PGM3: variants seen among roughly 807,000 people sequenced by gnomAD.
PGM3 encodes phosphoacetylglucosamine mutase.
A neutral mutation model predicts 66.2 loss-of-function variants in PGM3; 40 were observed. The observed-to-expected ratio is 0.60, with a 90% CI of 0.47 to 0.79. The LOEUF is 0.79. Among genes scored for constraint, PGM3 ranks in the 30% least tolerant of loss-of-function variants. PGM3 has a pLI of 0.00. For synonymous variants in PGM3, 191 were observed against 224.2 expected (o/e 0.85, Z 1.32); for missense variants, 537 against 643.4 (o/e 0.83, Z 1.79).
chr6:83,193,054 G>C lies in PGM3; in HGVS notation c.-3+125C>G, dbSNP rs925287734. The C allele has an allele frequency of 3.4e-5, 5 of 147,910 alleles. No individual in the cohort carries two copies. The South Asian group carries it at 8.3e-4, about 25-fold the overall frequency. 9.2% of individuals were successfully genotyped at this position (147,910 alleles called of 1,614,324 possible). On this transcript the variant is annotated intron_variant, in intron 1 of 12. Coordinates refer to ENST00000513973, the MANE Select transcript of PGM3 (RefSeq NM_015599.3). Reference sequence around the variant, plus strand: ...GTGTGTCCCGCGCGCTCCGCCGCTCGGTCAGTCGCCCGCCAGACCACTAGC... The same window carrying C: ...GTGTGTCCCGCGCGCTCCGCCGCTCCGTCAGTCGCCCGCCAGACCACTAGC...
intron 1 of PGM3, among the ~76,000 whole-genome samples, chr6:83,191,786 T>A (rs1391456463): frequency 6.7e-6 from 1 of 150,154 alleles, no homozygotes; most frequent in Non-Finnish European, 1.5e-5. Context: ...GTCAGGAGTT[T>A]GAAACCAGCC....
In PGM3 at chr6:83,176,047, C is replaced by T; in HGVS notation, c.1043G>A (p.Cys348Tyr). The change falls in exon 9 of 13, where the codon TGC (cysteine) becomes TAC (tyrosine). Residue 348 changes from cysteine to tyrosine, a missense_variant. Transcript: ENST00000513973. The stretch of plus-strand genomic sequence containing the variant: ...CAAATGTTTTACACCAGTCTTAGTG[C>T]AATAGACAGGTACCTATAACACATG... ...LEEVMKVPVY[C>Y]TKTGVKHLHH... The T allele has an allele frequency of 6.3e-7, 1 of 1,582,662 alleles. No individual in the cohort carries two copies. Among genetic ancestry groups the T allele is most frequent in the Non-Finnish European group, 8.7e-7 (1 of 1,151,522 alleles).
intron 10 of PGM3, among the ~76,000 whole-genome samples, chr6:83,172,855 T>TATTG (rs137902202): frequency 1.1e-3 from 164 of 152,312 alleles, no homozygotes; most frequent in Non-Finnish European, 2.1e-3. Flanking sequence ...ATTGATTGCT[T>TATTG]ATTGATTGAT....
At chr6:83,173,641 C>T (rs904506118) in intron 10 of PGM3, among the ~76,000 whole-genome samples, 7 of 152,164 alleles carry the variant, frequency 4.6e-5, no homozygotes, top group African/African-American at 1.4e-4. Context: ...ATAATTGAAT[C>T]GCTTTCCTCT....
downstream of PGM3, among the ~76,000 whole-genome samples, chr6:83,160,997 T>C (rs920067383): frequency 6.6e-6 from 1 of 152,050 alleles, no homozygotes; most frequent in Non-Finnish European, 1.5e-5. Context: ...ATATCTACTT[T>C]TTGATGAATT....
chr6:83,189,425 A>G (rs1278505265), intron 2 of PGM3, among the ~76,000 whole-genome samples: 1 of 152,242 alleles, frequency 6.6e-6, no homozygotes, highest in Non-Finnish European at 1.5e-5. Context: ...TGCCTCTGGA[A>G]CTAGCAATAA....
At chr6:83,185,018 A>C (rs1481276770) in intron 4 of PGM3, among the ~76,000 whole-genome samples, 1 of 152,264 alleles carries the variant, frequency 6.6e-6, no homozygotes, top group Non-Finnish European at 1.5e-5. Flanking sequence ...AAGGTTAAAA[A>C]AATTACTCTC....
At chr6:83,186,713 A>T (rs907620441) in intron 4 of PGM3, among the ~76,000 whole-genome samples, 1 of 152,202 alleles carries the variant, frequency 6.6e-6, no homozygotes, top group Admixed American at 6.5e-5. Context: ...TCAAGTACTT[A>T]AAAAGGTTTT....
chr6:83,149,083 G>A, the PGM3 span, among the ~76,000 whole-genome samples: 1 of 151,396 alleles, frequency 6.6e-6, no homozygotes, highest in South Asian at 2.1e-4. Flanking sequence ...TATACAAAAT[G>A]TAACTACACT....
At chr6:83,176,218 A>G in intron 8 of PGM3, 158 bp from the exon 9 acceptor site, 2 of 545,946 alleles carry the variant, frequency 3.7e-6, no homozygotes, top group South Asian at 4.9e-5. Flanking sequence ...TACGTATACA[A>G]TGGAAGCATG....
At chr6:83,175,679 A>G (rs1295912368) in intron 9 of PGM3, among the ~76,000 whole-genome samples, 1 of 152,238 alleles carries the variant, frequency 6.6e-6, no homozygotes, top group Non-Finnish European at 1.5e-5. Context: ...CCAGCCGGAA[A>G]ATGCATAGAC....
At chr6:83,158,628 A>G (rs959788017), downstream of PGM3, 1 of 1,593,666 alleles carries the variant, frequency 6.3e-7, no homozygotes, top group African/African-American at 1.3e-5. Flanking sequence ...TCACGGTAAT[A>G]TGTAATTTAA....
chr6:83,168,151 G>A lies in PGM3; in HGVS notation c.*1083C>T. On this transcript the variant is annotated 3_prime_UTR_variant, in exon 13 of 13. Coordinates refer to ENST00000513973, the MANE Select transcript of PGM3 (RefSeq NM_015599.3). ...ATGGTAGAAAAAGATTTTCTGGAAGGGATGATAAAAACTTGAGCACCATTG... is the reference window on the plus strand; with the variant it reads ...ATGGTAGAAAAAGATTTTCTGGAAGAGATGATAAAAACTTGAGCACCATTG... The A allele has an allele frequency of 6.2e-7, 1 of 1,611,978 alleles. No homozygotes were observed. The highest frequency in any genetic ancestry group is 1.1e-5 in the South Asian group (1 of 90,748).
the PGM3 span, chr6:83,156,041 T>C: frequency 6.2e-7 from 1 of 1,613,992 alleles, no homozygotes; most frequent in Non-Finnish European, 8.5e-7. Context: ...CTTAAAAGAT[T>C]AGCATTTGCT....
chr6:83,164,545 A>G, downstream of PGM3: 1 of 1,002,118 alleles, frequency 1.0e-6, no homozygotes, highest in Non-Finnish European at 1.5e-6. Flanking sequence ...AGAATAAGAA[A>G]ACTATTTTGA....
rs577952426 is a variant in PGM3 at position 83,191,633 on chromosome 6, G to A, written c.-2-619C>T. 4.6e-5 allele frequency among the ~76,000 whole-genome samples: 7 copies of A among 152,286 alleles called. No homozygotes were observed. In the South Asian group the frequency reaches 1.5e-3, roughly 32 times the overall value. On this transcript the variant is annotated intron_variant, in intron 1 of 12. Transcript: ENST00000513973. ...AACAATCAGGACACCCTTCTAAGAT[G>A]TTGCTCTAAAACTAGCAATATCTTC...
At chr6:83,162,715 A>C, downstream of PGM3, 1 of 1,480,922 alleles carries the variant, frequency 6.8e-7, no homozygotes, top group Non-Finnish European at 9.1e-7. Context: ...TGATCTTTCT[A>C]CTACATTATG....
At chr6:83,181,998 A>G (rs1011698866) in intron 5 of PGM3, 67 bp from the exon 6 acceptor site, 1 of 947,342 alleles carries the variant, frequency 1.1e-6, no homozygotes, top group Non-Finnish European at 1.6e-6. Context: ...AATATAAAGC[A>G]TATATACATA....
In PGM3 at chr6:83,165,925, G is replaced by A. The variant is rs1005888404; in HGVS notation, c.*3309C>T. 3 of 393,704 alleles carry A rather than the reference G, an allele frequency of 7.6e-6. No individual in the cohort carries two copies. The highest frequency in any genetic ancestry group is 1.5e-5 in the Non-Finnish European group (3 of 197,184). The allele number at this position is 393,704 out of a possible 1,614,324, so 24.4% of individuals were successfully genotyped here. Reference sequence around the variant, plus strand: ...CACCTGGATTCAGAAAGCTGTAGTGGATCAGACTGGCAGCAAACCACCAAA... The same window carrying A: ...CACCTGGATTCAGAAAGCTGTAGTGAATCAGACTGGCAGCAAACCACCAAA... On this transcript the variant is annotated 3_prime_UTR_variant, in exon 13 of 13. Transcript: ENST00000513973.
Sources: gnomAD v4.1 joint callset for allele counts (sites outside exome capture counted in the v4.1 genomes callset) on GRCh38, gnomAD v4.1.1 for gene constraint, MANE v1.5 for transcripts, NCBI Gene and HGNC (gene_info 2026-07-23, HGNC 2026-07-21) for gene names.